Variants in SLC35F4 observed in about 807,000 individuals in gnomAD.
SLC35F4 encodes the protein solute carrier family 35 member F4.
SLC35F4 carries 24 observed loss-of-function variants against 44.2 expected under a neutral mutation model. The ratio of observed to expected loss-of-function variants is 0.54; its 90% CI spans 0.39 to 0.76. SLC35F4 has a LOEUF of 0.76. Among genes scored for constraint, SLC35F4 ranks in the 30% least tolerant of loss-of-function variants. SLC35F4 has a pLI of 0.00. For synonymous variants in SLC35F4, 238 were observed against 223.6 expected (o/e 1.06, Z -0.57); for missense variants, 562 against 586.1 (o/e 0.96, Z 0.42).
At chr14:57,942,325 A>G (rs1889930530) in intron 1 of SLC35F4, among the ~76,000 whole-genome samples, 1 of 152,192 alleles carries the variant, frequency 6.6e-6, no homozygotes, top group Non-Finnish European at 1.5e-5. Flanking sequence ...AATTCCTAAA[A>G]TAAGTTGACT....
chr14:57,660,819 T>C (rs1267770711), intron 1 of SLC35F4, among the ~76,000 whole-genome samples: 1 of 152,070 alleles, frequency 6.6e-6, no homozygotes, highest in Non-Finnish European at 1.5e-5. Flanking sequence ...CCTTCAAACA[T>C]TTTGACTGCA....
At chr14:57,581,172 G>T in intron 4 of SLC35F4, 42 bp downstream of exon 4, 1 of 1,473,118 alleles carries the variant, frequency 6.8e-7, no homozygotes, top group Non-Finnish European at 9.0e-7. Flanking sequence ...AAGGAGTTAT[G>T]AAAAAGGCAG....
chr14:57,658,924 C>A (rs968627463), intron 1 of SLC35F4, among the ~76,000 whole-genome samples: 2 of 151,944 alleles, frequency 1.3e-5, no homozygotes, highest in African/African-American at 4.8e-5. Context: ...ATAGAACCTT[C>A]GAGTAGGAAG....
chr14:57,631,590 T>G (rs932294080), intron 1 of SLC35F4, among the ~76,000 whole-genome samples: 1 of 152,056 alleles, frequency 6.6e-6, no homozygotes, highest in Non-Finnish European at 1.5e-5. Flanking sequence ...TTTTCAGGCC[T>G]CAGTTTATTT....
intron 1 of SLC35F4, among the ~76,000 whole-genome samples, chr14:57,686,894 T>C (rs1298337813): frequency 2.6e-5 from 4 of 152,152 alleles, no homozygotes. Flanking sequence ...TATGTTGAAG[T>C]CCTAACTCTC....
intron 1 of SLC35F4, among the ~76,000 whole-genome samples, chr14:57,624,601 C>A (rs1171086700): frequency 6.6e-6 from 1 of 152,158 alleles, no homozygotes; most frequent in Admixed American, 6.6e-5. Context: ...AAAAGTTTAT[C>A]CACCATGTTC....
At chr14:57,945,587 G>A (rs1428617320) in intron 1 of SLC35F4, among the ~76,000 whole-genome samples, 6 of 151,840 alleles carry the variant, frequency 4.0e-5, no homozygotes, top group African/African-American at 7.3e-5. Context: ...AAACATGCAT[G>A]TGCAAGTGTC....
At chr14:57,905,240 G>C (rs1032905884) in intron 1 of SLC35F4, among the ~76,000 whole-genome samples, 4 of 152,174 alleles carry the variant, frequency 2.6e-5, no homozygotes, top group African/African-American at 9.7e-5. Context: ...TTCTCTCCAT[G>C]TGAGCCTCTC....
In SLC35F4 at chr14:57,906,838, G is replaced by A. The variant is rs150448205; in HGVS notation, n.282+75075C>T. 2.6e-5 allele frequency among the ~76,000 whole-genome samples: 4 copies of A among 152,258 alleles called. No individual in the cohort carries two copies. In the East Asian group the frequency reaches 7.7e-4, roughly 29 times the overall value. On this transcript the variant is annotated intron_variant and non_coding_transcript_variant, in intron 1 of 1. Transcript: ENST00000556568. ...GGGTAAAATACGTCCAATGATCAAAGCATCGTACTTATTCAAGTAATCATG... is the reference window on the plus strand; with the variant it reads ...GGGTAAAATACGTCCAATGATCAAAACATCGTACTTATTCAAGTAATCATG...
At chr14:57,748,740 G>T (rs1314418216) in intron 1 of SLC35F4, among the ~76,000 whole-genome samples, 2 of 152,084 alleles carry the variant, frequency 1.3e-5, no homozygotes. Context: ...TAAATATAAT[G>T]AATCTAGTCC....
intron 1 of SLC35F4, among the ~76,000 whole-genome samples, chr14:57,953,371 C>G (rs372319438): frequency 5.9e-5 from 9 of 152,280 alleles, no homozygotes; most frequent in African/African-American, 1.9e-4. Flanking sequence ...GAAACTGCAT[C>G]AACTAATGGG....
At chr14:57,900,908 A>G (rs1266748918) in intron 1 of SLC35F4, among the ~76,000 whole-genome samples, 4 of 152,252 alleles carry the variant, frequency 2.6e-5, no homozygotes, top group African/African-American at 9.6e-5. Context: ...GCCAACAAAC[A>G]TATGAAAAAA....
intron 1 of SLC35F4, among the ~76,000 whole-genome samples, chr14:57,951,042 G>A (rs1270985932): frequency 3.3e-5 from 5 of 152,128 alleles, no homozygotes; most frequent in African/African-American, 9.7e-5. Flanking sequence ...CCTCTAGTCT[G>A]CAGCTCCCAG....
chr14:57,952,858 T>C (rs929047737), intron 1 of SLC35F4, among the ~76,000 whole-genome samples: 8 of 148,804 alleles, frequency 5.4e-5, no homozygotes, highest in Admixed American at 1.4e-4. Flanking sequence ...AATTGGAAAA[T>C]ACTCTTTAGG....
At chr14:57,954,273 A>T (rs1594650315) in intron 1 of SLC35F4, among the ~76,000 whole-genome samples, 1 of 152,228 alleles carries the variant, frequency 6.6e-6, no homozygotes, top group Non-Finnish European at 1.5e-5. Flanking sequence ...ACACAGCCAA[A>T]GCAGTGTTTA....
At chr14:57,716,352 T>C (rs7156904) in intron 1 of SLC35F4, among the ~76,000 whole-genome samples, 60,061 of 151,788 alleles carry the variant, frequency 0.4, 11,938 homozygotes, top group Middle Eastern at 0.43. Flanking sequence ...TTATGCCGGA[T>C]GTTGCAATTT....
intron 1 of SLC35F4, among the ~76,000 whole-genome samples, chr14:57,921,470 T>C (rs977549302): frequency 4.6e-5 from 7 of 152,232 alleles, no homozygotes; most frequent in African/African-American, 1.7e-4. Context: ...GGAGTGATAA[T>C]AGTACCTAAG....
At chr14:57,917,663 C>A (rs1481208684) in intron 1 of SLC35F4, among the ~76,000 whole-genome samples, 1 of 151,874 alleles carries the variant, frequency 6.6e-6, no homozygotes, top group Non-Finnish European at 1.5e-5. Context: ...GTGATTAGGT[C>A]TTTTTTTCAT....
chr14:57,801,730 G>T (rs1481320539), intron 1 of SLC35F4, among the ~76,000 whole-genome samples: 4 of 152,062 alleles, frequency 2.6e-5, no homozygotes, highest in African/African-American at 9.7e-5. Flanking sequence ...ATAAGAAAAG[G>T]CAAAGAAGGA....
Sources: allele counts gnomAD v4.1 joint callset (sites outside exome capture counted in the v4.1 genomes callset), GRCh38; gene constraint gnomAD v4.1.1; transcripts MANE v1.5; gene names NCBI Gene and HGNC (gene_info 2026-07-23, HGNC 2026-07-21).